The following ADCY2 variants were observed in gnomAD, a reference collection of about 807,000 sequenced individuals.
ADCY2 encodes adenylate cyclase 2, also known as adenylate cyclase type 2.
A neutral mutation model predicts 125.2 loss-of-function variants in ADCY2; 31 were observed. The observed-to-expected ratio is 0.25, with a 90% CI of 0.19 to 0.33. The LOEUF (loss-of-function observed/expected upper bound fraction) is 0.33, where lower values mean the gene tolerates loss of function less well. Among genes scored for constraint, ADCY2 ranks in the 10% least tolerant of loss-of-function variants. The pLI is 1.00. For missense variants in ADCY2, 904 were observed against 1,418.2 expected (o/e 0.64, Z 5.82); for synonymous variants, 512 against 548.4 (o/e 0.93, Z 0.93).
intron 3 of ADCY2, among the ~76,000 whole-genome samples, chr5:7,601,315 A>G (rs1468872609): frequency 6.6e-6 from 1 of 150,578 alleles, no homozygotes; most frequent in African/African-American, 2.5e-5. Context: ...GTGATGAATT[A>G]AAAAGAAAAA....
intron 12 of ADCY2, among the ~76,000 whole-genome samples, chr5:7,722,601 T>C (rs548469513): frequency 6.6e-6 from 1 of 151,966 alleles, no homozygotes; most frequent in African/African-American, 2.4e-5. Context: ...TAATAAGAAA[T>C]ACCAAAAAAG....
At position 7,766,550 on chromosome 5, in the gene ADCY2, A is replaced by G. The variant is rs188272402; in HGVS notation, c.2095-137A>G. Reference sequence around the variant, plus strand: ...ACAATAAATTGTTAATTACTTATTCAATAGAAATTCCCGAGTCCACATAAA... The same window carrying G: ...ACAATAAATTGTTAATTACTTATTCGATAGAAATTCCCGAGTCCACATAAA... On this transcript the variant is annotated intron_variant, in intron 16 of 24. Coordinates refer to ENST00000338316, the MANE Select transcript of ADCY2 (RefSeq NM_020546.3). The G allele has an allele frequency of 2.7e-5, 22 of 803,398 alleles. No individual in the cohort carries two copies. The African/African-American group carries it at 3.7e-4, about 14-fold the overall frequency. The allele number at this position is 803,398 out of a possible 1,614,324, so 49.8% of individuals were successfully genotyped here. A position where few individuals can be genotyped will look rare whatever the true frequency, so the allele number is the denominator to read the frequency against.
chr5:7,709,118 G>A lies in ADCY2; in HGVS notation c.1402-93G>A. On this transcript the variant is annotated intron_variant, in intron 9 of 24. Coordinates refer to ENST00000338316, the MANE Select transcript of ADCY2 (RefSeq NM_020546.3). The surrounding 1 kb of genome is among the most constrained non-coding windows in gnomAD (Gnocchi z 4.4). ...CAGAGGGCGAATAGAGGGCTGTCAGGAGGAATGACCCTAGTCCAATGAGGT... is the reference window on the plus strand; with the variant it reads ...CAGAGGGCGAATAGAGGGCTGTCAGAAGGAATGACCCTAGTCCAATGAGGT... The A allele has an allele frequency of 7.8e-7, 1 of 1,277,784 alleles. No homozygotes were observed. The highest frequency in any genetic ancestry group is 2.9e-4 in the Middle Eastern group (1 of 3,390). 79.2% of individuals were successfully genotyped at this position (1,277,784 alleles called of 1,614,324 possible).
intron 2 of ADCY2, among the ~76,000 whole-genome samples, chr5:7,422,016 T>C (rs1397408803): frequency 6.6e-6 from 1 of 152,202 alleles, no homozygotes; most frequent in East Asian, 1.9e-4. Context: ...ATGCTAGATG[T>C]TGTTGATTTA....
intron 4 of ADCY2, among the ~76,000 whole-genome samples, chr5:7,644,915 G>C (rs551235937): frequency 1.3e-5 from 2 of 152,256 alleles, no homozygotes; most frequent in Admixed American, 1.3e-4. Flanking sequence ...CTCAGAACAA[G>C]GGCGAGTCTG....
chr5:7,398,244 T>C (rs1739133782), intron 1 of ADCY2, among the ~76,000 whole-genome samples: 1 of 152,216 alleles, frequency 6.6e-6, no homozygotes, highest in South Asian at 2.1e-4. Context: ...ATGCTTCCTC[T>C]GCACACACCA....
chr5:7,548,190 G>A (rs1295710793), intron 3 of ADCY2, among the ~76,000 whole-genome samples: 1 of 152,118 alleles, frequency 6.6e-6, no homozygotes, highest in East Asian at 1.9e-4. Flanking sequence ...ATATTAGCTA[G>A]AGAAGTTTGT....
intron 4 of ADCY2, among the ~76,000 whole-genome samples, chr5:7,641,342 A>G (rs150067101): frequency 0.011 from 1,627 of 152,326 alleles, 35 homozygotes; most frequent in African/African-American, 0.038. Context: ...AGTTGTAAAA[A>G]TGCAGATCAA....
At chr5:7,810,952 T>C (rs1017717827) in intron 22 of ADCY2, among the ~76,000 whole-genome samples, 1 of 152,212 alleles carries the variant, frequency 6.6e-6, no homozygotes, top group Non-Finnish European at 1.5e-5. Flanking sequence ...CAAATTTTTC[T>C]AGGAACTGAA....
chr5:7,752,930 G>A (rs1325506593), intron 15 of ADCY2, among the ~76,000 whole-genome samples: 4 of 124,594 alleles, frequency 3.2e-5, no homozygotes, highest in Non-Finnish European at 6.4e-5. Context: ...ACACAGTCTT[G>A]CTCTGTCACT....
Position 7,766,710 on chromosome 5 carries a change from A to T in ADCY2, c.2118A>T (p.Glu706Asp). ...AGTTTTTCCTGAGTGACTCAGAGGA[A>T]ACAATCCCTCCAACTGCCAACACAA... ...FNMFFLSDSE[E>D]TIPPTANTTN... The change falls in exon 17 of 25, where the codon GAA (glutamate) becomes GAT (aspartate). Residue 706 changes from glutamate (E) to aspartate (D), a missense_variant. Physicochemically the swap from Glu to Asp is conservative, Grantham distance 45. Transcript: ENST00000338316. 2 of 1,612,468 alleles carry T rather than the reference A, an allele frequency of 1.2e-6. No homozygotes were observed. Among genetic ancestry groups the T allele is most frequent in the Non-Finnish European group, 1.7e-6 (2 of 1,179,590 alleles).
intron 2 of ADCY2, among the ~76,000 whole-genome samples, chr5:7,477,581 T>C (rs1421580041): frequency 6.6e-6 from 1 of 152,186 alleles, no homozygotes; most frequent in Non-Finnish European, 1.5e-5. Flanking sequence ...GCACCTTAAG[T>C]GTGCACCAGA....
rs149532113 is a variant in ADCY2 at position 7,634,686 on chromosome 5, AT to A, written c.720+8373del. Among the ~76,000 whole-genome samples the A allele has an allele frequency of 2.5e-3, 368 of 150,104 alleles. 2 individuals carry two copies. The highest frequency in any genetic ancestry group is 6.9e-3 in the Middle Eastern group (2 of 290). ...AGATGCAGAAAAGCCCTCTTGTCCT[AT>A]TTATCAAATTTACAGGTTTTTTTTT... On this transcript the variant is annotated intron_variant, in intron 4 of 24. Transcript: ENST00000338316.
intron 2 of ADCY2, among the ~76,000 whole-genome samples, chr5:7,499,319 G>A (rs1292115164): frequency 2.0e-5 from 3 of 151,958 alleles, no homozygotes; most frequent in African/African-American, 7.2e-5. Flanking sequence ...TGGTTTTTTT[G>A]TAGGGTAGTT....
intron 2 of ADCY2, among the ~76,000 whole-genome samples, chr5:7,489,084 C>T (rs1395367512): frequency 3.3e-5 from 5 of 152,176 alleles, no homozygotes; most frequent in African/African-American, 1.2e-4. Flanking sequence ...CTGCCCTGCC[C>T]AGAGCACTCC....
intron 4 of ADCY2, among the ~76,000 whole-genome samples, chr5:7,663,943 C>T (rs1296673341): frequency 1.3e-5 from 2 of 152,156 alleles, no homozygotes; most frequent in Non-Finnish European, 2.9e-5. Flanking sequence ...TGAAGAAGTT[C>T]AAGCTGGAAG....
At chr5:7,761,148 C>CTTT (rs367998018) in intron 16 of ADCY2, among the ~76,000 whole-genome samples, 13,993 of 87,886 alleles carry the variant, frequency 0.16, 2,550 homozygotes, top group East Asian at 0.53. Flanking sequence ...CTTTTCTTTT[C>CTTT]TTTTTTTTTT....
intron 3 of ADCY2, among the ~76,000 whole-genome samples, chr5:7,618,048 A>G (rs1052571622): frequency 6.6e-6 from 1 of 152,158 alleles, no homozygotes; most frequent in Non-Finnish European, 1.5e-5. Context: ...GAATCACAGC[A>G]CTCAGTATTT....
chr5:7,754,575 A>C (rs1742926445), intron 15 of ADCY2, among the ~76,000 whole-genome samples: 1 of 152,192 alleles, frequency 6.6e-6, no homozygotes, highest in Admixed American at 6.5e-5. Context: ...ATACTGTCTT[A>C]ATTTGTGAGA....
Sources: gnomAD v4.1 joint callset for allele counts (sites outside exome capture counted in the v4.1 genomes callset) on GRCh38, gnomAD v4.1.1 for gene constraint, Gnocchi (gnomAD v3.1) non-coding constraint, MANE v1.5 for transcripts, NCBI Gene and HGNC (gene_info 2026-07-23, HGNC 2026-07-21) for gene names.